Variants in TLL1 observed in about 807,000 individuals in gnomAD.
TLL1 encodes tolloid like 1.
Under a neutral mutation model 128.2 loss-of-function variants are expected in TLL1, and 49 were observed. That is an observed-to-expected ratio of 0.38 (90% CI 0.30 to 0.48). The LOEUF (loss-of-function observed/expected upper bound fraction) is 0.48. TLL1 is among the 20% of genes least tolerant of loss of function. The pLI, the probability that TLL1 is intolerant of heterozygous loss-of-function variation, is 0.96. For synonymous variants in TLL1, 454 were observed against 418.8 expected, an observed-to-expected ratio of 1.08 and a Z score of -1.03; for missense variants, 1,123 against 1,242.0, an observed-to-expected ratio of 0.90 and a Z score of 1.44.
At chr4:166,049,730 T>A (rs59381400) in intron 12 of TLL1, among the ~76,000 whole-genome samples, 17,890 of 150,784 alleles carry the variant, frequency 0.12, 1,128 homozygotes, top group African/African-American at 0.17. Flanking sequence ...ATAATTATGT[T>A]TTAAACTTTT....
chr4:165,891,284 C>T (rs1731391392), intron 1 of TLL1, among the ~76,000 whole-genome samples: 1 of 150,838 alleles, frequency 6.6e-6, no homozygotes, highest in East Asian at 2.0e-4. Flanking sequence ...CATTTGGCTC[C>T]TTGTTACTTA....
chr4:166,030,799 C>T, intron 9 of TLL1: 1 of 1,068,428 alleles, frequency 9.4e-7, no homozygotes, highest in Non-Finnish European at 1.1e-6. Flanking sequence ...TTATTTTGGT[C>T]CTGCCTATAG....
intron 1 of TLL1, among the ~76,000 whole-genome samples, chr4:165,886,313 A>G (rs755151955): frequency 4.6e-5 from 7 of 152,180 alleles, no homozygotes; most frequent in South Asian, 2.1e-4. Context: ...TCCCTAGTCT[A>G]TGAAACATGT....
chr4:165,906,271 C>A lies in TLL1; in HGVS notation c.169+32198C>A, dbSNP rs536930844. On this transcript the variant is annotated intron_variant, in intron 1 of 20. Coordinates refer to ENST00000061240, the MANE Select transcript of TLL1 (RefSeq NM_012464.5). The stretch of plus-strand genomic sequence containing the variant: ...CTTAGTTAATTAAAATTAATAATAA[C>A]AAACACATAGTATGCACTACGTGCC... Among the ~76,000 whole-genome samples the A allele has an allele frequency of 2.0e-5, 3 of 152,252 alleles. 1 individual carries two copies. The East Asian group carries it at 5.8e-4, about 29-fold the overall frequency.
intron 17 of TLL1, among the ~76,000 whole-genome samples, chr4:166,075,634 A>C (rs747855618): frequency 6.6e-5 from 10 of 152,216 alleles, no homozygotes; most frequent in Non-Finnish European, 1.5e-4. Flanking sequence ...GAACTGGATG[A>C]GAACAATAAA....
rs1278040509 is a variant in TLL1, at chr4:165,994,597, CTA to C, written c.514+66_514+67del. The C allele has an allele frequency of 1.0e-5, 16 of 1,572,044 alleles. No homozygotes were observed. In the Admixed American group the frequency reaches 1.2e-4, roughly 12 times the overall value. On this transcript the variant is annotated intron_variant, in intron 4 of 20. Coordinates refer to ENST00000061240, the MANE Select transcript of TLL1 (RefSeq NM_012464.5). ...AAAAACTATCATACAGATTAAGTGT[CTA>C]TTTTTATAGAATATTAACATAAGAT...
chr4:166,077,949 T>C lies in TLL1; in HGVS notation c.2361T>C (p.Ser787=). 6.2e-7 allele frequency: 1 copy of C among 1,613,608 alleles called. No individual in the cohort carries two copies. The highest frequency in any genetic ancestry group is 1.3e-5 in the African/African-American group (1 of 74,982). ...KIHSPSGLIT[S]PNWPDKYPSR... Reference sequence around the variant, plus strand: ...ACAGTCCAAGTGGCCTCATCACCAGTCCCAACTGGCCAGACAAGTACCCAA... The same window carrying C: ...ACAGTCCAAGTGGCCTCATCACCAGCCCCAACTGGCCAGACAAGTACCCAA... The change falls in exon 18 of 21, where the codon AGT becomes AGC. Residue 787 remains serine, a synonymous_variant. Coordinates refer to ENST00000061240, the MANE Select transcript of TLL1 (RefSeq NM_012464.5).
intron 1 of TLL1, among the ~76,000 whole-genome samples, chr4:165,971,307 C>G (rs1735617706): frequency 6.6e-6 from 1 of 152,152 alleles, no homozygotes. Flanking sequence ...TGCCATGCCC[C>G]TTGTAGATTC....
At chr4:165,987,943 C>A (rs1233739971) in intron 1 of TLL1, among the ~76,000 whole-genome samples, 1 of 152,014 alleles carries the variant, frequency 6.6e-6, no homozygotes, top group East Asian at 1.9e-4. Flanking sequence ...TATTTTCTTT[C>A]TTTTCCTTTT....
chr4:165,902,936 G>A lies in TLL1; in HGVS notation c.169+28863G>A, dbSNP rs940953872. ...TGTTTGTGACTTTCAGTTGGGCAAC[G>A]ATTTAAGATACCAACAACACTGTGC... is the stretch of plus-strand genomic sequence containing the variant. On this transcript the variant is annotated intron_variant, in intron 1 of 20. Transcript: ENST00000061240. Among the ~76,000 whole-genome samples, 14 of 152,236 alleles carry A rather than the reference G, an allele frequency of 9.2e-5. No homozygotes were observed. The East Asian group carries it at 2.7e-3, about 29-fold the overall frequency.
chr4:166,004,301 ATG>A (rs1333310840), intron 6 of TLL1, among the ~76,000 whole-genome samples: 1 of 152,146 alleles, frequency 6.6e-6, no homozygotes, highest in Non-Finnish European at 1.5e-5. Context: ...CAAAGTAAAA[ATG>A]TGTTTTTATT....
intron 1 of TLL1, among the ~76,000 whole-genome samples, chr4:165,914,263 T>C (rs1561025292): frequency 6.6e-6 from 1 of 152,188 alleles, no homozygotes; most frequent in Non-Finnish European, 1.5e-5. Context: ...CAATAGTCCC[T>C]ACTAAAAATG....
At chr4:165,955,170 G>C (rs1231457088) in intron 1 of TLL1, among the ~76,000 whole-genome samples, 2 of 151,948 alleles carry the variant, frequency 1.3e-5, no homozygotes, top group African/African-American at 4.8e-5. Context: ...GCTGAGAAAA[G>C]AATCTTGGAG....
intron 5 of TLL1, among the ~76,000 whole-genome samples, chr4:165,995,556 T>C (rs1736838551): frequency 1.3e-5 from 2 of 152,230 alleles, no homozygotes; most frequent in Non-Finnish European, 2.9e-5. Flanking sequence ...TCCATGTCAA[T>C]GCCCTAGTTC....
At chr4:165,933,635 TG>T (rs770174929) in intron 1 of TLL1, among the ~76,000 whole-genome samples, 78 of 152,298 alleles carry the variant, frequency 5.1e-4, no homozygotes, top group Admixed American at 2.2e-3. Context: ...ATGTCATCTT[TG>T]CCCATGGGAA....
chr4:166,058,640 G>A (rs774683659), intron 14 of TLL1, among the ~76,000 whole-genome samples: 2 of 152,010 alleles, frequency 1.3e-5, no homozygotes, highest in African/African-American at 2.4e-5. Context: ...AGGATGAATT[G>A]GAAGATCTTT....
At chr4:165,944,371 TCA>T (rs1734148872) in intron 1 of TLL1, among the ~76,000 whole-genome samples, 1 of 152,102 alleles carries the variant, frequency 6.6e-6, no homozygotes, top group Non-Finnish European at 1.5e-5. Context: ...GTATATTCCT[TCA>T]CACACAAATA....
rs73863544 is a variant in TLL1, at chr4:166,070,479, G to C, written c.2189-4399G>C. Among the ~76,000 whole-genome samples the C allele has an allele frequency of 8.9e-3, 1,358 of 152,048 alleles. 22 individuals carry two copies. Among genetic ancestry groups the C allele is most frequent in the African/African-American group, 0.03 (1,254 of 41,534 alleles). On this transcript the variant is annotated intron_variant, in intron 16 of 20. Transcript: ENST00000061240. ...CTTTTATAGGCAACCCTGTATTAATGAAAAGATTCAGTTATGACTCTGCAA... is the reference window on the plus strand; with the variant it reads ...CTTTTATAGGCAACCCTGTATTAATCAAAAGATTCAGTTATGACTCTGCAA...
intron 7 of TLL1, among the ~76,000 whole-genome samples, chr4:166,010,341 A>T (rs1369749723): frequency 6.6e-6 from 1 of 151,090 alleles, no homozygotes; most frequent in African/African-American, 2.4e-5. Flanking sequence ...TCTGAGTGTG[A>T]TGTCATATCT....
Sources: gnomAD v4.1 joint callset for allele counts (sites outside exome capture counted in the v4.1 genomes callset) on GRCh38, gnomAD v4.1.1 for gene constraint, MANE v1.5 for transcripts, NCBI Gene and HGNC (gene_info 2026-07-23, HGNC 2026-07-21) for gene names.